The following AKAP12 variants were observed in gnomAD, a reference collection of about 807,000 sequenced individuals.
AKAP12 encodes the protein A-kinase anchor protein 12.
Under a neutral mutation model 79.9 loss-of-function variants are expected in AKAP12, and 32 were observed. That is an observed-to-expected ratio of 0.40 (90% CI 0.30 to 0.54). AKAP12 has a LOEUF of 0.54. Ranked by LOEUF, AKAP12 falls within the 20% of genes least tolerant of loss-of-function variation. The probability of loss-of-function intolerance (pLI) is 0.48; values close to 1 mark genes in which losing one functional copy is unlikely to be tolerated. For missense variants in AKAP12, 2,074 were observed against 2,177.0 expected (o/e 0.95, Z 0.94); for synonymous variants, 808 against 857.0 (o/e 0.94, Z 1.00).
At chr6:151,279,086 T>C (rs183527857) in intron 2 of AKAP12, among the ~76,000 whole-genome samples, 115 of 152,332 alleles carry the variant, frequency 7.5e-4, no homozygotes, top group African/African-American at 2.6e-3. Flanking sequence ...GCAGTTATAG[T>C]GGATTTGAAA....
intron 3 of AKAP12, among the ~76,000 whole-genome samples, chr6:151,320,281 G>T (rs576119093): frequency 1.4e-4 from 21 of 151,766 alleles, no homozygotes; most frequent in Admixed American, 2.6e-4. Context: ...TCACTGCTTG[G>T]TTTTTTGTTT....
rs1441672313 is a variant in AKAP12, at chr6:151,350,739, C to G, written c.2348C>G (p.Ser783Cys). 1.2e-6 allele frequency: 2 copies of G among 1,614,052 alleles called. No homozygotes were observed. The highest frequency in any genetic ancestry group is 2.2e-5 in the East Asian group (1 of 44,870). The change falls in exon 4 of 5, where the codon TCC (serine) becomes TGC (cysteine). Residue 783 changes from serine to cysteine, a missense_variant. By Grantham distance (112) the Ser-to-Cys change is moderately radical. Transcript: ENST00000402676. This position sits in a 1 kb window ranked among gnomAD's most constrained non-coding sequence, Gnocchi z 4.8. Reference protein sequence around the residue: ...KSKLEEKSEDSIAGSGVEHST... With the variant: ...KSKLEEKSEDCIAGSGVEHST... ...AAGCTGGAAGAGAAAAGCGAAGACT[C>G]CATAGCTGGGTCTGGTGTAGAACAT...
intron 2 of AKAP12, among the ~76,000 whole-genome samples, chr6:151,253,409 A>G (rs1011106515): frequency 7.2e-5 from 11 of 152,200 alleles, no homozygotes; most frequent in African/African-American, 2.7e-4. Context: ...TTTTAAAATA[A>G]AAAGAGACAG....
chr6:151,351,670 G>C lies in AKAP12; in HGVS notation c.3279G>C (p.Val1093=). Reference sequence around the variant, plus strand: ...GTCTGAAGAAAGAGACGGATGTAGTGTTGAAAGTAGATGCTCAGGAGGCAA... The same window carrying C: ...GTCTGAAGAAAGAGACGGATGTAGTCTTGAAAGTAGATGCTCAGGAGGCAA... ...ASGLKKETDV[V]LKVDAQEAKT... The change falls in exon 4 of 5, where the codon GTG becomes GTC. Residue 1093 remains valine (V), a synonymous_variant. Transcript: ENST00000402676. The surrounding 1 kb of genome is among the most constrained non-coding windows in gnomAD (Gnocchi z 4.4). The C allele has an allele frequency of 1.2e-6, 2 of 1,614,202 alleles. No individual in the cohort carries two copies. The highest frequency in any genetic ancestry group is 1.7e-6 in the Non-Finnish European group (2 of 1,180,050).
Position 151,240,554 on chromosome 6 carries a change from G to C in AKAP12, c.-9G>C. 1 of 1,441,320 alleles carries C rather than the reference G, an allele frequency of 6.9e-7. No homozygotes were observed. Among genetic ancestry groups the C allele is most frequent in the Non-Finnish European group, 9.1e-7 (1 of 1,103,822 alleles). 89.3% of individuals were successfully genotyped at this position (1,441,320 alleles called of 1,614,324 possible). On this transcript the variant is annotated 5_prime_UTR_variant, in exon 2 of 5. Coordinates refer to ENST00000402676, the MANE Select transcript of AKAP12 (RefSeq NM_005100.4). Reference sequence around the variant, plus strand: ...CGGCGGCTAGGCGCGGGAGAAGTGCGGAGGAGCCATGGGCGCCGGGAGCTC... The same window carrying C: ...CGGCGGCTAGGCGCGGGAGAAGTGCCGAGGAGCCATGGGCGCCGGGAGCTC...
intron 2 of AKAP12, among the ~76,000 whole-genome samples, chr6:151,245,356 C>CT (rs1357623125): frequency 1.5e-4 from 22 of 150,358 alleles, no homozygotes; most frequent in Admixed American, 5.3e-4. Context: ...GAACCGAATT[C>CT]TTTTTTTTGG....
chr6:151,240,354 GC>G (rs1796945207), intron 1 of AKAP12, 29 bp from the exon 2 acceptor site: 2 of 450,244 alleles, frequency 4.4e-6, no homozygotes, highest in South Asian at 5.7e-5. Flanking sequence ...CTAAGAGGTG[GC>G]CTTTTTTTTT....
At chr6:151,274,618 G>T (rs552755698) in intron 2 of AKAP12, among the ~76,000 whole-genome samples, 220 of 152,204 alleles carry the variant, frequency 1.4e-3, no homozygotes, top group Non-Finnish European at 2.4e-3. Flanking sequence ...ATTATAGAAA[G>T]ATTTAAAAAT....
intron 2 of AKAP12, among the ~76,000 whole-genome samples, chr6:151,305,451 A>G (rs1250007141): frequency 6.6e-6 from 1 of 152,124 alleles, no homozygotes; most frequent in Non-Finnish European, 1.5e-5. Context: ...TGATTTTTTC[A>G]TGGTTATATT....
intron 2 of AKAP12, among the ~76,000 whole-genome samples, chr6:151,270,583 T>C (rs777881696): frequency 2.4e-4 from 37 of 152,240 alleles, no homozygotes; most frequent in Non-Finnish European, 4.1e-4. Context: ...TAACCCTTTG[T>C]TTAACCTCTT....
At chr6:151,282,256 C>T (rs1031939999) in intron 2 of AKAP12, among the ~76,000 whole-genome samples, 5 of 151,968 alleles carry the variant, frequency 3.3e-5, no homozygotes, top group South Asian at 4.2e-4. Context: ...ACTACAGGCG[C>T]GTGCCACCAC....
chr6:151,332,497 T>A (rs924452743), intron 3 of AKAP12, among the ~76,000 whole-genome samples: 2 of 152,186 alleles, frequency 1.3e-5, no homozygotes, highest in African/African-American at 2.4e-5. Flanking sequence ...CACACAAGCA[T>A]GTGATTAGGT....
At chr6:151,302,020 T>C (rs1043761101) in intron 2 of AKAP12, among the ~76,000 whole-genome samples, 3 of 98,094 alleles carry the variant, frequency 3.1e-5, no homozygotes, top group South Asian at 6.2e-4. Context: ...TTTTTTTTTC[T>C]TTTTTTTTTT....
intron 3 of AKAP12, 31 bp from the exon 4 acceptor site, chr6:151,348,680 T>TGGGGG: frequency 1.1e-5 from 4 of 355,198 alleles, no homozygotes; most frequent in East Asian, 5.8e-5. Context: ...TTTTCTCTTC[T>TGGGGG]CCCCACCCCC....
chr6:151,338,216 A>C (rs989041344), intron 3 of AKAP12, among the ~76,000 whole-genome samples: 2 of 152,142 alleles, frequency 1.3e-5, no homozygotes, highest in African/African-American at 4.8e-5. Flanking sequence ...ATCTGCTTCT[A>C]ATTTTGTCAG....
chr6:151,331,221 C>T (rs982080462), intron 3 of AKAP12, among the ~76,000 whole-genome samples: 16 of 138,278 alleles, frequency 1.2e-4, no homozygotes, highest in African/African-American at 4.6e-4. Flanking sequence ...TATTTGACTC[C>T]GTTAATATTC....
chr6:151,311,088 C>T (rs1266040261), intron 3 of AKAP12, among the ~76,000 whole-genome samples: 1 of 152,168 alleles, frequency 6.6e-6, no homozygotes, highest in Non-Finnish European at 1.5e-5. Flanking sequence ...CTGGCTCAGC[C>T]TTCCCAGTAG....
At chr6:151,254,248 A>G (rs1464116931) in intron 2 of AKAP12, among the ~76,000 whole-genome samples, 1 of 152,232 alleles carries the variant, frequency 6.6e-6, no homozygotes, top group African/African-American at 2.4e-5. Context: ...GTTGACCTTA[A>G]TGTGGGCAAA....
Position 151,349,614 on chromosome 6 carries a change from T to C in AKAP12, c.1223T>C (p.Ile408Thr), listed in dbSNP as rs1409022738. 4 of 1,610,008 alleles carry C rather than the reference T, an allele frequency of 2.5e-6. No individual in the cohort carries two copies. Among genetic ancestry groups the C allele is most frequent in the Admixed American group, 1.7e-5 (1 of 58,822 alleles). ...PLATEVFDEKIEVHQEEVVAE... is the reference protein window; with the variant it reads ...PLATEVFDEKTEVHQEEVVAE... ...GCGACAGAAGTGTTTGATGAGAAAA[T>C]AGAAGTCCACCAAGAAGAGGTTGTG... The change falls in exon 4 of 5, where the codon ATA becomes ACA. Residue 408 changes from isoleucine to threonine, a missense_variant. Physicochemically the swap from Ile to Thr is moderately conservative, Grantham distance 89. Transcript: ENST00000402676.
Sources: gnomAD v4.1 joint callset for allele counts (sites outside exome capture counted in the v4.1 genomes callset) on GRCh38, gnomAD v4.1.1 for gene constraint, Gnocchi (gnomAD v3.1) non-coding constraint, MANE v1.5 for transcripts, NCBI Gene and HGNC (gene_info 2026-07-23, HGNC 2026-07-21) for gene names.